GLDC: variants seen among roughly 807,000 people sequenced by gnomAD.
GLDC encodes the protein glycine dehydrogenase (decarboxylating), mitochondrial.
GLDC carries 104 observed loss-of-function variants against 121.3 expected under a neutral mutation model. The observed-to-expected ratio is 0.86, with a 90% CI of 0.73 to 1.01. The LOEUF (loss-of-function observed/expected upper bound fraction) is 1.01. GLDC is among the 50% of genes least tolerant of loss of function. GLDC has a pLI of 0.00. For missense variants in GLDC, 1,429 were observed against 1,306.6 expected (o/e 1.09, Z -1.44); for synonymous variants, 546 against 480.6 (o/e 1.14, Z -1.78).
chr9:6,584,021 A>G (rs1196993059), intron 15 of GLDC, among the ~76,000 whole-genome samples: 1 of 152,248 alleles, frequency 6.6e-6, no homozygotes, highest in East Asian at 1.9e-4. Context: ...GTAAAGCAGT[A>G]AATTTTGTGT....
At chr9:6,572,628 G>A (rs1817989048) in intron 15 of GLDC, among the ~76,000 whole-genome samples, 1 of 152,158 alleles carries the variant, frequency 6.6e-6, no homozygotes. Flanking sequence ...TGGATGGACA[G>A]ACCAAAGGAA....
chr9:6,628,843 G>T (rs1819303165), intron 2 of GLDC, among the ~76,000 whole-genome samples: 1 of 152,172 alleles, frequency 6.6e-6, no homozygotes, highest in South Asian at 2.1e-4. Context: ...TCTCAGCCAT[G>T]AAGGAATTCA....
intron 9 of GLDC, among the ~76,000 whole-genome samples, chr9:6,593,735 C>G (rs1818430437): frequency 6.6e-6 from 1 of 150,712 alleles, no homozygotes; most frequent in East Asian, 1.9e-4. Flanking sequence ...CTCTGTTGCC[C>G]AGGATGGAGT....
intron 15 of GLDC, among the ~76,000 whole-genome samples, chr9:6,582,645 C>A (rs955932981): frequency 6.6e-6 from 1 of 151,866 alleles, no homozygotes; most frequent in Non-Finnish European, 1.5e-5. Context: ...CTGGCTAACA[C>A]GGTGAAACCC....
chr9:6,582,424 G>A (rs1818188824), intron 15 of GLDC, among the ~76,000 whole-genome samples: 1 of 152,152 alleles, frequency 6.6e-6, no homozygotes, highest in African/African-American at 2.4e-5. Flanking sequence ...GGGAGGCTGA[G>A]GCATGAGAAT....
chr9:6,608,847 G>C lies in GLDC; in HGVS notation c.635+1345C>G, dbSNP rs112162179. Among the ~76,000 whole-genome samples, 1,460 of 152,232 alleles carry C rather than the reference G, an allele frequency of 9.6e-3. 17 individuals are homozygous for C. The highest frequency in any genetic ancestry group is 0.033 in the African/African-American group (1,355 of 41,562). On this transcript the variant is annotated intron_variant, in intron 4 of 24. Coordinates refer to ENST00000321612, the MANE Select transcript of GLDC (RefSeq NM_000170.3). ...AAGATGAAAATTAGCAAAAAGCTGAGAATAATAACCAGAGAGGTGGGTGGA... is the reference window on the plus strand; with the variant it reads ...AAGATGAAAATTAGCAAAAAGCTGACAATAATAACCAGAGAGGTGGGTGGA...
intron 21 of GLDC, among the ~76,000 whole-genome samples, chr9:6,542,867 C>T (rs984437658): frequency 6.4e-5 from 7 of 110,110 alleles, no homozygotes; most frequent in Middle Eastern, 9.6e-3. Context: ...GCCTGGGTGA[C>T]GGAGTGAGAC....
intron 2 of GLDC, 186 bp downstream of exon 2, chr9:6,644,428 C>G (rs1819696789): frequency 1.6e-6 from 1 of 644,886 alleles, no homozygotes. Flanking sequence ...TAACACAAAA[C>G]TGTCTGCTCC....
chr9:6,599,720 C>CAAAAAAAAAAAAAAAAAAAAAAA (rs549444099), intron 8 of GLDC, among the ~76,000 whole-genome samples: 3 of 120,774 alleles, frequency 2.5e-5, no homozygotes, highest in African/African-American at 1.0e-4. Flanking sequence ...GACTCCATCT[C>CAAAAAAAAAAAAAAAAAAAAAAA]AAAAAAAAAA....
intron 24 of GLDC, 108 bp downstream of exon 24, chr9:6,534,600 G>C (rs1817078254): frequency 1.4e-6 from 1 of 708,954 alleles, no homozygotes; most frequent in Middle Eastern, 2.3e-4. Context: ...ATTTCACAAG[G>C]TGCCCCACAT....
At chr9:6,610,418 C>T (rs1818828368) in intron 3 of GLDC, 62 bp from the exon 4 acceptor site, 28 of 1,538,602 alleles carry the variant, frequency 1.8e-5, no homozygotes, top group Non-Finnish European at 2.3e-5. Flanking sequence ...ACACAAAATG[C>T]TATCATTTCA....
chr9:6,597,889 G>A (rs1316126463), intron 8 of GLDC, among the ~76,000 whole-genome samples: 1 of 151,978 alleles, frequency 6.6e-6, no homozygotes, highest in Non-Finnish European at 1.5e-5. Context: ...GAGCGAGATG[G>A]CGCTACTGCA....
intron 4 of GLDC, among the ~76,000 whole-genome samples, chr9:6,609,712 C>A (rs558494884): frequency 1.3e-5 from 2 of 151,968 alleles, no homozygotes; most frequent in African/African-American, 4.8e-5. Context: ...AAGCTAGGTG[C>A]CGAGTCAGCT....
rs1042551006 is a variant in GLDC, at chr9:6,616,397, T to C, written c.470+3787A>G. Among the ~76,000 whole-genome samples, 2 of 152,234 alleles carry C rather than the reference T, an allele frequency of 1.3e-5. 1 individual carries two copies. The highest frequency in any genetic ancestry group is 2.9e-5 in the Non-Finnish European group (2 of 68,046). On this transcript the variant is annotated intron_variant, in intron 3 of 24. Transcript: ENST00000321612. ...CTTTAAAATTGTTGTCTTGCAAATA[T>C]GCCAAATATGTAATCTCACTCCTTT...
intron 3 of GLDC, among the ~76,000 whole-genome samples, chr9:6,617,843 G>A (rs900952392): frequency 6.6e-6 from 1 of 152,186 alleles, no homozygotes; most frequent in African/African-American, 2.4e-5. Context: ...TCATTGATTG[G>A]GAGCATGTAC....
chr9:6,610,543 CTTTG>C (rs541808025), intron 3 of GLDC, among the ~76,000 whole-genome samples, 187 bp from the exon 4 acceptor site: 28 of 152,098 alleles, frequency 1.8e-4, no homozygotes, highest in Non-Finnish European at 3.7e-4. Flanking sequence ...CAATATTACC[CTTTG>C]TTTGGGGATA....
In GLDC at chr9:6,645,357, C is replaced by T. The variant is rs1445233834; in HGVS notation, c.143G>A (p.Gly48Glu). ...SSGGGDSAAAGASRLLERLLP... is the reference protein window; with the variant it reads ...SSGGGDSAAAEASRLLERLLP... ...AAGGCGCTCCAGGAGGCGCGAGGCC[C>T]CAGCCGCGGCGCTGTCCCCGCCGCC... is the stretch of plus-strand genomic sequence containing the variant. Residue 48 changes from glycine (G) to glutamate (E), a missense_variant, in exon 1 of 25, where the codon GGG becomes GAG. Gly to Glu is a moderately conservative substitution (Grantham distance 98). Transcript: ENST00000321612. 3 of 1,544,500 alleles carry T rather than the reference C, an allele frequency of 1.9e-6. No individual in the cohort carries two copies. Among genetic ancestry groups the T allele is most frequent in the East Asian group, 2.5e-5 (1 of 40,258 alleles).
At chr9:6,548,053 G>C (rs4742214) in intron 21 of GLDC, among the ~76,000 whole-genome samples, 107,457 of 151,992 alleles carry the variant, frequency 0.71, 38,942 homozygotes, top group African/African-American at 0.88. Context: ...TTAGGAGGAT[G>C]ACTTGAGCCC....
chr9:6,630,902 G>C (rs527288116), intron 2 of GLDC, among the ~76,000 whole-genome samples: 1 of 152,262 alleles, frequency 6.6e-6, no homozygotes, highest in East Asian at 1.9e-4. Context: ...GCAGTCCATA[G>C]AGCCAACTCC....
Sources: gnomAD v4.1 joint callset for allele counts (sites outside exome capture counted in the v4.1 genomes callset) on GRCh38, gnomAD v4.1.1 for gene constraint, MANE v1.5 for transcripts, NCBI Gene and HGNC (gene_info 2026-07-23, HGNC 2026-07-21) for gene names.